NRXN3: variants seen among roughly 807,000 people sequenced by gnomAD.
NRXN3 encodes neurexin 3, also known as neurexin III.
Under a neutral mutation model 137.6 loss-of-function variants are expected in NRXN3, and 32 were observed. That is an observed-to-expected ratio of 0.23 (90% confidence interval 0.18 to 0.31). The LOEUF (loss-of-function observed/expected upper bound fraction) is 0.31. NRXN3 is among the 10% of genes least tolerant of loss of function. NRXN3 has a pLI of 1.00. For synonymous variants in NRXN3, 798 were observed against 784.5 expected, an observed-to-expected ratio of 1.02 and a Z score of -0.29; for missense variants, 1,574 against 2,062.5, an observed-to-expected ratio of 0.76 and a Z score of 4.59.
chr14:78,926,936 A>T (rs1353155785), intron 10 of NRXN3, among the ~76,000 whole-genome samples: 45 of 31,798 alleles, frequency 1.4e-3, no homozygotes, highest in Non-Finnish European at 1.7e-3. Context: ...TAATATATTT[A>T]TATATATATA....
chr14:79,343,865 C>A (rs1180536813), intron 15 of NRXN3, among the ~76,000 whole-genome samples: 1 of 152,076 alleles, frequency 6.6e-6, no homozygotes, highest in Non-Finnish European at 1.5e-5. Flanking sequence ...TCTCGAACTC[C>A]TAGGCTCAAG....
intron 10 of NRXN3, among the ~76,000 whole-genome samples, chr14:78,904,692 A>G (rs917151611): frequency 3.3e-5 from 5 of 151,828 alleles, no homozygotes; most frequent in African/African-American, 1.2e-4. Context: ...GTTGCTCCTA[A>G]TTTCTCCCTC....
At chr14:79,763,587 T>C (rs1057485737) in intron 19 of NRXN3, among the ~76,000 whole-genome samples, 1 of 151,572 alleles carries the variant, frequency 6.6e-6, no homozygotes, top group African/African-American at 2.4e-5. Flanking sequence ...AACAGAAATG[T>C]ATTTGTCACG....
intron 16 of NRXN3, among the ~76,000 whole-genome samples, chr14:79,476,730 G>C (rs1178869141): frequency 3.3e-5 from 5 of 152,054 alleles, no homozygotes; most frequent in Non-Finnish European, 5.9e-5. Context: ...TGTTTACACT[G>C]TCTTATAATG....
intron 15 of NRXN3, among the ~76,000 whole-genome samples, chr14:79,184,759 T>C (rs2063322154): frequency 6.6e-6 from 1 of 152,200 alleles, no homozygotes; most frequent in African/African-American, 2.4e-5. Flanking sequence ...ATATGTTTTG[T>C]TTTGTTTTGA....
intron 15 of NRXN3, among the ~76,000 whole-genome samples, chr14:79,229,389 C>T (rs945032442): frequency 1.3e-5 from 2 of 152,150 alleles, no homozygotes; most frequent in Non-Finnish European, 2.9e-5. Context: ...GTTGAAGGGG[C>T]ACACAGCCCC....
intron 6 of NRXN3, 53 bp from the exon 7 acceptor site, chr14:78,709,164 G>C (rs936977171): frequency 5.9e-6 from 9 of 1,536,128 alleles, no homozygotes; most frequent in Non-Finnish European, 7.1e-6. Flanking sequence ...AGTGATGGAT[G>C]GATACTGTTT....
At chr14:79,467,154 C>G in intron 15 of NRXN3, 67 bp from the exon 16 acceptor site, 1 of 1,476,814 alleles carries the variant, frequency 6.8e-7, no homozygotes, top group Non-Finnish European at 9.3e-7. Flanking sequence ...AGGGTCTCAA[C>G]AGTGTGCTAC....
chr14:78,321,993 C>T (rs1300729864), intron 4 of NRXN3, among the ~76,000 whole-genome samples: 3 of 151,966 alleles, frequency 2.0e-5, no homozygotes, highest in Admixed American at 6.5e-5. Flanking sequence ...TTGGACTGTT[C>T]ACCACTTTGA....
At chr14:79,448,414 G>T (rs1489931371) in intron 15 of NRXN3, among the ~76,000 whole-genome samples, 1 of 152,070 alleles carries the variant, frequency 6.6e-6, no homozygotes, top group African/African-American at 2.4e-5. Context: ...TTTATTGTCT[G>T]CTATCATTAT....
chr14:78,287,025 C>T (rs975873459), intron 3 of NRXN3, among the ~76,000 whole-genome samples: 1 of 152,198 alleles, frequency 6.6e-6, no homozygotes, highest in Non-Finnish European at 1.5e-5. Context: ...CTCTGGTATG[C>T]ATCAGAATCA....
chr14:79,792,621 G>C (rs374229151), intron 19 of NRXN3, among the ~76,000 whole-genome samples: 1 of 152,300 alleles, frequency 6.6e-6, no homozygotes, highest in South Asian at 2.1e-4. Flanking sequence ...CAAAGAGGCA[G>C]AGTGTAAATT....
intron 16 of NRXN3, among the ~76,000 whole-genome samples, chr14:79,560,528 T>TTTTTTTTTTTTTA (rs2097484853): frequency 7.4e-6 from 1 of 135,922 alleles, no homozygotes; most frequent in Non-Finnish European, 1.6e-5. Context: ...TTTTTTTTTT[T>TTTTTTTTTTTTTA]GAGATGGAGT....
At chr14:78,234,188 T>C (rs1006549368) in intron 1 of NRXN3, among the ~76,000 whole-genome samples, 2 of 152,220 alleles carry the variant, frequency 1.3e-5, no homozygotes, top group Admixed American at 1.3e-4. Context: ...TTAAACTTCT[T>C]TCCTTTATAA....
intron 19 of NRXN3, 31 bp from the exon 20 acceptor site, chr14:79,805,081 T>TAC: frequency 6.7e-7 from 1 of 1,493,730 alleles, no homozygotes; most frequent in Non-Finnish European, 9.3e-7. Flanking sequence ...TCTCTTCCCC[T>TAC]ACCCCATTAT....
chr14:79,244,135 T>C (rs2074793886), intron 15 of NRXN3, among the ~76,000 whole-genome samples: 1 of 152,144 alleles, frequency 6.6e-6, no homozygotes, highest in Non-Finnish European at 1.5e-5. Flanking sequence ...TCTTTGATAT[T>C]GACTGGTCAG....
intron 10 of NRXN3, among the ~76,000 whole-genome samples, chr14:78,889,085 C>T (rs1290024747): frequency 1.3e-5 from 2 of 151,896 alleles, no homozygotes; most frequent in Admixed American, 1.3e-4. Context: ...AAAATATTGA[C>T]TTTTATTTTC....
chr14:79,725,487 C>T (rs751183065), intron 19 of NRXN3, among the ~76,000 whole-genome samples: 9 of 152,222 alleles, frequency 5.9e-5, no homozygotes, highest in East Asian at 1.9e-4. Flanking sequence ...GAAGTGGACA[C>T]GTGAATTCCA....
chr14:79,026,317 G>C (rs189919764), intron 15 of NRXN3, among the ~76,000 whole-genome samples: 2 of 152,202 alleles, frequency 1.3e-5, no homozygotes, highest in East Asian at 3.9e-4. Context: ...TCTTGAGTAA[G>C]TGACTGTTCT....
Sources: allele counts gnomAD v4.1 joint callset (sites outside exome capture counted in the v4.1 genomes callset), GRCh38; gene constraint gnomAD v4.1.1; transcripts MANE v1.5; gene names NCBI Gene and HGNC (gene_info 2026-07-23, HGNC 2026-07-21).